The following PACRG variants were observed in gnomAD, a reference collection of about 807,000 sequenced individuals.
PACRG encodes the protein parkin coregulated gene protein.
A neutral mutation model predicts 29.7 loss-of-function variants in PACRG; 29 were observed. The observed-to-expected ratio is 0.98, with a 90% CI of 0.73 to 1.33. The LOEUF (loss-of-function observed/expected upper bound fraction) is 1.33, where lower values mean the gene tolerates loss of function less well. PACRG is among the 40% of genes most tolerant of loss of function. PACRG has a pLI of 0.00. For missense variants in PACRG, 279 were observed against 316.2 expected (o/e 0.88, Z 0.89); for synonymous variants, 116 against 118.7 (o/e 0.98, Z 0.15).
chr6:163,067,761 T>C (rs1811685385), intron 3 of PACRG, among the ~76,000 whole-genome samples: 1 of 152,190 alleles, frequency 6.6e-6, no homozygotes. Flanking sequence ...GATTAGAATT[T>C]AACTCCCCTC....
chr6:162,839,810 A>G (rs1399075686), intron 2 of PACRG, among the ~76,000 whole-genome samples: 4 of 151,694 alleles, frequency 2.6e-5, no homozygotes, highest in Non-Finnish European at 4.4e-5. Context: ...CTTTCTACAT[A>G]TGGCTAGCCA....
chr6:162,727,710 ATGCGCGCAGCGGCGCCAGCCGC>A, upstream of PACRG: 1 of 1,556,432 alleles, frequency 6.4e-7, no homozygotes. Context: ...GAACAGGCCC[ATGCGCGCAGCGGCGCCAGCCGC>A]GCCTCCCACC....
At chr6:163,079,486 G>A (rs1385251626) in intron 3 of PACRG, among the ~76,000 whole-genome samples, 4 of 151,890 alleles carry the variant, frequency 2.6e-5, no homozygotes, top group African/African-American at 4.8e-5. Context: ...AAACCATAGA[G>A]GCCTTGCCAG....
intron 2 of PACRG, among the ~76,000 whole-genome samples, chr6:163,035,616 A>G (rs1808099916): frequency 6.6e-6 from 1 of 151,918 alleles, no homozygotes; most frequent in Non-Finnish European, 1.5e-5. Context: ...ACTGCACTCC[A>G]GCCTGGGCGA....
chr6:162,862,272 G>T (rs181302441), intron 2 of PACRG, among the ~76,000 whole-genome samples: 1 of 152,136 alleles, frequency 6.6e-6, no homozygotes, highest in Non-Finnish European at 1.5e-5. Flanking sequence ...TTATAGGGGC[G>T]AAGGAGAAAG....
intron 1 of PACRG, among the ~76,000 whole-genome samples, chr6:162,762,613 C>T (rs751451121): frequency 1.2e-4 from 19 of 152,318 alleles, no homozygotes; most frequent in Non-Finnish European, 2.4e-4. Flanking sequence ...TTGGTCATAA[C>T]AGCACTTAAT....
chr6:163,091,155 A>T (rs1473634850), intron 4 of PACRG, among the ~76,000 whole-genome samples: 3 of 152,222 alleles, frequency 2.0e-5, no homozygotes, highest in African/African-American at 7.2e-5. Flanking sequence ...GTATCCCTGT[A>T]TAAAAGTAGA....
chr6:162,816,175 G>A (rs1787322496), intron 2 of PACRG, among the ~76,000 whole-genome samples: 1 of 151,998 alleles, frequency 6.6e-6, no homozygotes, highest in Non-Finnish European at 1.5e-5. Context: ...TACTGATTCA[G>A]CAAGCTAAAA....
intron 2 of PACRG, among the ~76,000 whole-genome samples, chr6:162,871,845 G>A (rs1296541280): frequency 1.3e-5 from 2 of 151,866 alleles, no homozygotes; most frequent in African/African-American, 4.8e-5. Flanking sequence ...GTGAACCTGG[G>A]AGGCGGAGCT....
At chr6:162,820,156 C>G (rs1296374382) in intron 2 of PACRG, among the ~76,000 whole-genome samples, 2 of 152,116 alleles carry the variant, frequency 1.3e-5, no homozygotes, top group African/African-American at 4.8e-5. Flanking sequence ...ACTTGAACAC[C>G]CAAGTAAAGG....
chr6:163,251,660 G>C (rs967001693), intron 4 of PACRG, among the ~76,000 whole-genome samples: 5 of 152,150 alleles, frequency 3.3e-5, no homozygotes, highest in Non-Finnish European at 7.3e-5. Context: ...TCTGTATTGC[G>C]CTGCTCGGAC....
Position 163,165,894 on chromosome 6 carries a change from G to A in PACRG, c.613+76486G>A, listed in dbSNP as rs1202897063. The A allele has an allele frequency of 1.1e-5, 4 of 356,778 alleles. No individual in the cohort carries two copies. The Admixed American group carries it at 1.5e-4, about 13-fold the overall frequency. 22.1% of individuals were successfully genotyped at this position (356,778 alleles called of 1,614,324 possible). A position where few individuals can be genotyped will look rare whatever the true frequency, so the allele number is the denominator to read the frequency against. On this transcript the variant is annotated intron_variant, in intron 4 of 4. Transcript: ENST00000366888. Reference sequence around the variant, plus strand: ...ACAGGGGGAGAGAACGAATGAAAGGGCTTCATTGCATCTAAGGCACCATTA... The same window carrying A: ...ACAGGGGGAGAGAACGAATGAAAGGACTTCATTGCATCTAAGGCACCATTA...
At chr6:163,180,943 G>A (rs1179160699) in intron 4 of PACRG, among the ~76,000 whole-genome samples, 4 of 152,194 alleles carry the variant, frequency 2.6e-5, no homozygotes, top group Admixed American at 6.5e-5. Context: ...CTGGGGCTCC[G>A]TACAGTTATG....
At chr6:162,747,360 ATAT>A (rs1781101628) in intron 1 of PACRG, among the ~76,000 whole-genome samples, 1 of 61,390 alleles carries the variant, frequency 1.6e-5, no homozygotes, top group Admixed American at 2.3e-4. Flanking sequence ...ATATATATAT[ATAT>A]ACACATACAT....
chr6:162,790,515 C>CAT (rs150507654), intron 1 of PACRG, among the ~76,000 whole-genome samples: 11,712 of 149,538 alleles, frequency 0.078, 526 homozygotes, highest in Middle Eastern at 0.14. Context: ...TAGTTTTCTC[C>CAT]ATATATATAT....
At chr6:162,891,285 C>T (rs1794737237) in intron 2 of PACRG, among the ~76,000 whole-genome samples, 1 of 152,166 alleles carries the variant, frequency 6.6e-6, no homozygotes, top group Non-Finnish European at 1.5e-5. Context: ...TTTCCCTTAT[C>T]CAAGTGATCT....
At chr6:162,876,490 T>C (rs535791900) in intron 2 of PACRG, among the ~76,000 whole-genome samples, 1 of 152,358 alleles carries the variant, frequency 6.6e-6, no homozygotes, top group East Asian at 1.9e-4. Context: ...TCATGTTTGA[T>C]GGCCGCATAA....
At chr6:163,117,021 C>T (rs1816034091) in intron 4 of PACRG, among the ~76,000 whole-genome samples, 1 of 152,126 alleles carries the variant, frequency 6.6e-6, no homozygotes, top group African/African-American at 2.4e-5. Flanking sequence ...CTGTCACCCT[C>T]GGAGGAAGAG....
chr6:163,136,050 G>T (rs1816924158), intron 4 of PACRG, among the ~76,000 whole-genome samples: 1 of 152,090 alleles, frequency 6.6e-6, no homozygotes, highest in African/African-American at 2.4e-5. Context: ...GCAGACTTTA[G>T]TTTTTGTGCC....
Sources: gnomAD v4.1 joint callset for allele counts (sites outside exome capture counted in the v4.1 genomes callset) on GRCh38, gnomAD v4.1.1 for gene constraint, MANE v1.5 for transcripts, NCBI Gene and HGNC (gene_info 2026-07-23, HGNC 2026-07-21) for gene names.